The following LAMC3 variants were observed in gnomAD, a reference collection of about 807,000 sequenced individuals.
LAMC3 encodes laminin subunit gamma-3.
A neutral mutation model predicts 173.8 loss-of-function variants in LAMC3; 128 were observed. The observed-to-expected ratio is 0.74, with a 90% CI of 0.64 to 0.85. The LOEUF (loss-of-function observed/expected upper bound fraction) is 0.85, where lower values mean the gene tolerates loss of function less well. Among genes scored for constraint, LAMC3 ranks in the 40% least tolerant of loss-of-function variants. The pLI, the probability that LAMC3 is intolerant of heterozygous loss-of-function variation, is 0.00. For missense variants in LAMC3, 2,022 were observed against 2,156.0 expected (o/e 0.94, Z 1.23); for synonymous variants, 897 against 909.1 (o/e 0.99, Z 0.24).
intron 1 of LAMC3, among the ~76,000 whole-genome samples, chr9:131,011,150 A>C (rs973180002): frequency 1.3e-5 from 2 of 152,254 alleles, no homozygotes; most frequent in African/African-American, 4.8e-5. Context: ...ATTTGAGTAC[A>C]GCCGGCAGCC....
At chr9:131,081,689 G>A (rs1175469407) in intron 23 of LAMC3, among the ~76,000 whole-genome samples, 1 of 152,156 alleles carries the variant, frequency 6.6e-6, no homozygotes, top group Non-Finnish European at 1.5e-5. Context: ...TGGCCAGGCT[G>A]GTCTCGAACT....
intron 24 of LAMC3, among the ~76,000 whole-genome samples, 176 bp from the exon 25 acceptor site, chr9:131,085,348 G>A (rs1830310549): frequency 1.3e-5 from 2 of 152,148 alleles, no homozygotes; most frequent in Admixed American, 1.3e-4. Context: ...TGTCTCGCTT[G>A]CTTTTGTTTT....
chr9:131,037,462 C>T (rs1334959197), intron 4 of LAMC3, among the ~76,000 whole-genome samples: 1 of 152,194 alleles, frequency 6.6e-6, no homozygotes, highest in African/African-American at 2.4e-5. Context: ...CCCGAAGCTT[C>T]CTCTTCCCTG....
intron 18 of LAMC3, 73 bp downstream of exon 18, chr9:131,071,698 G>T: frequency 6.9e-7 from 1 of 1,454,772 alleles, no homozygotes; most frequent in Non-Finnish European, 9.1e-7. Flanking sequence ...TGGTGTCGTT[G>T]GATGCTTTGG....
At chr9:131,031,938 G>A in intron 2 of LAMC3, 107 bp from the exon 3 acceptor site, 1 of 1,600,886 alleles carries the variant, frequency 6.2e-7, no homozygotes, top group Non-Finnish European at 8.5e-7. Context: ...CTGTTCCTGT[G>A]TCCCAGGAGC....
chr9:131,079,377 G>T, intron 23 of LAMC3, 79 bp downstream of exon 23: 2 of 1,546,932 alleles, frequency 1.3e-6, no homozygotes, highest in Non-Finnish European at 1.8e-6. Context: ...CAGGGTTGCA[G>T]GAGGGAGAAG....
At chr9:131,083,575 C>T (rs1830278339) in intron 24 of LAMC3, among the ~76,000 whole-genome samples, 1 of 152,164 alleles carries the variant, frequency 6.6e-6, no homozygotes, top group African/African-American at 2.4e-5. Flanking sequence ...CTGCAGCATC[C>T]TCTTGAGGTC....
At chr9:131,080,927 C>A (rs567332388) in intron 23 of LAMC3, among the ~76,000 whole-genome samples, 1 of 152,206 alleles carries the variant, frequency 6.6e-6, no homozygotes, top group South Asian at 2.1e-4. Flanking sequence ...GTGACATTCA[C>A]GTGGCATACA....
At chr9:131,085,006 GTCAA>G (rs1830306198) in intron 24 of LAMC3, among the ~76,000 whole-genome samples, 1 of 151,812 alleles carries the variant, frequency 6.6e-6, no homozygotes, top group Non-Finnish European at 1.5e-5. Context: ...AAGCTCAGTG[GTCAA>G]TCAAACATTT....
chr9:131,074,447 G>A (rs886481460), intron 20 of LAMC3, among the ~76,000 whole-genome samples: 1 of 152,038 alleles, frequency 6.6e-6, no homozygotes, highest in South Asian at 2.1e-4. Context: ...TGTAATCCCA[G>A]CACTTTGGGA....
chr9:131,086,395 G>GT (rs112612783), intron 25 of LAMC3, among the ~76,000 whole-genome samples: 42 of 131,674 alleles, frequency 3.2e-4, no homozygotes, highest in Admixed American at 1.2e-3. Context: ...TTTTGGTTTT[G>GT]TTTTTTTTTT....
chr9:131,023,503 A>G (rs767740241), intron 1 of LAMC3, among the ~76,000 whole-genome samples: 4 of 152,134 alleles, frequency 2.6e-5, no homozygotes, highest in African/African-American at 4.8e-5. Context: ...TTCTGGTTTT[A>G]TCTTGCATTT....
intron 11 of LAMC3, 22 bp downstream of exon 11, chr9:131,052,987 C>G: frequency 1.3e-6 from 2 of 1,545,034 alleles, no homozygotes; most frequent in Middle Eastern, 1.7e-4. Flanking sequence ...CAACCACATG[C>G]CCAAGACCCG....
chr9:131,074,699 GAAAAA>G (rs67374198), intron 20 of LAMC3, among the ~76,000 whole-genome samples: 2 of 129,682 alleles, frequency 1.5e-5, no homozygotes, highest in South Asian at 2.5e-4. Context: ...CCATCTCAAA[GAAAAA>G]AAAAAAAAAA....
chr9:131,025,351 C>G (rs1207408436), intron 1 of LAMC3, among the ~76,000 whole-genome samples: 1 of 152,196 alleles, frequency 6.6e-6, no homozygotes, highest in African/African-American at 2.4e-5. Context: ...ACCCCAGCCT[C>G]CCAGGGTAGC....
intron 1 of LAMC3, among the ~76,000 whole-genome samples, chr9:131,016,325 T>G (rs146510152): frequency 6.6e-6 from 1 of 152,268 alleles, no homozygotes; most frequent in Non-Finnish European, 1.5e-5. Flanking sequence ...TGGAGATGGA[T>G]GGTGGTGAAG....
intron 13 of LAMC3, among the ~76,000 whole-genome samples, chr9:131,064,389 C>A (rs1829884869): frequency 6.6e-6 from 1 of 152,234 alleles, no homozygotes; most frequent in South Asian, 2.1e-4. Flanking sequence ...CATGGCCGGG[C>A]ACAGTGGCTC....
At chr9:131,078,724 T>C (rs977340357) in intron 22 of LAMC3, among the ~76,000 whole-genome samples, 1 of 152,190 alleles carries the variant, frequency 6.6e-6, no homozygotes, top group South Asian at 2.1e-4. Flanking sequence ...AAATTCTGCA[T>C]TCGGAAGCCA....
At chr9:131,072,930 C>T (rs888937780) in intron 19 of LAMC3, 95 bp downstream of exon 19, 3 of 1,178,800 alleles carry the variant, frequency 2.5e-6, no homozygotes, top group Non-Finnish European at 2.5e-6. Flanking sequence ...GGGTATGACT[C>T]CCCACTTTGG....
Sources: allele counts gnomAD v4.1 joint callset (sites outside exome capture counted in the v4.1 genomes callset), GRCh38; gene constraint gnomAD v4.1.1; transcripts MANE v1.5; gene names NCBI Gene and HGNC (gene_info 2026-07-23, HGNC 2026-07-21).